The following IFTAP variants were observed in gnomAD, a reference collection of about 807,000 sequenced individuals.
IFTAP encodes the protein intraflagellar transport-associated protein.
Under a neutral mutation model 19.4 loss-of-function variants are expected in IFTAP, and 19 were observed. That is an observed-to-expected ratio of 0.98 (90% confidence interval 0.68 to 1.44). The LOEUF is 1.44. Among genes scored for constraint, IFTAP ranks in the 40% most tolerant of loss-of-function variants. The pLI is 0.00. For synonymous variants in IFTAP, 85 were observed against 83.5 expected, an observed-to-expected ratio of 1.02 and a Z score of -0.10; for missense variants, 240 against 253.6, an observed-to-expected ratio of 0.95 and a Z score of 0.36.
chr11:36,639,013 C>T (rs1050396061), intron 4 of IFTAP, among the ~76,000 whole-genome samples: 116 of 152,210 alleles, frequency 7.6e-4, no homozygotes, highest in Non-Finnish European at 2.4e-4. Context: ...GTTTATTTGA[C>T]ATCAAGTTAA....
chr11:36,631,792 A>T (rs774407718), intron 2 of IFTAP, among the ~76,000 whole-genome samples: 8 of 149,252 alleles, frequency 5.4e-5, no homozygotes, highest in Non-Finnish European at 8.9e-5. Flanking sequence ...TTCCTTTATC[A>T]CTCTTTTACT....
intron 2 of IFTAP, among the ~76,000 whole-genome samples, chr11:36,617,687 T>C (rs765891040): frequency 5.9e-5 from 9 of 152,032 alleles, no homozygotes; most frequent in Non-Finnish European, 8.8e-5. Context: ...CTCTTTATTT[T>C]AGATTCATTT....
At chr11:36,652,761 A>G (rs1366881626) in intron 5 of IFTAP, among the ~76,000 whole-genome samples, 6 of 152,144 alleles carry the variant, frequency 3.9e-5, no homozygotes, top group Admixed American at 1.3e-4. Flanking sequence ...TTTTAGCATG[A>G]AGGGCTGTTG....
At chr11:36,651,634 A>G (rs1168972360) in intron 5 of IFTAP, among the ~76,000 whole-genome samples, 1 of 152,146 alleles carries the variant, frequency 6.6e-6, no homozygotes, top group African/African-American at 2.4e-5. Context: ...GCCCATGCCT[A>G]TGTCCTGAAT....
At chr11:36,625,548 C>CT (rs1418838335) in intron 2 of IFTAP, among the ~76,000 whole-genome samples, 1 of 152,142 alleles carries the variant, frequency 6.6e-6, no homozygotes, top group Non-Finnish European at 1.5e-5. Flanking sequence ...TAGCCATTCT[C>CT]TTTTTGTGGG....
At chr11:36,604,693 CT>C (rs749628348) in intron 1 of IFTAP, among the ~76,000 whole-genome samples, 7 of 152,028 alleles carry the variant, frequency 4.6e-5, no homozygotes, top group Non-Finnish European at 7.4e-5. Flanking sequence ...TTCAGATACA[CT>C]TTAAAGTTCA....
chr11:36,653,864 A>G (rs115364325), intron 5 of IFTAP, among the ~76,000 whole-genome samples: 1,540 of 152,286 alleles, frequency 0.01, 27 homozygotes, highest in African/African-American at 0.034. Flanking sequence ...AAATGAACAC[A>G]TAAATAAACA....
chr11:36,625,997 G>A lies in IFTAP; in HGVS notation c.137-7287G>A, dbSNP rs1478117664. ...GGAGTTGCATGAGCAACGGTGAAAGGAGTGTGGAAGCTGAGGTTAGAGGGC... is the reference window on the plus strand; with the variant it reads ...GGAGTTGCATGAGCAACGGTGAAAGAAGTGTGGAAGCTGAGGTTAGAGGGC... On this transcript the variant is annotated intron_variant, in intron 2 of 5. Transcript: ENST00000334307. 3.3e-5 allele frequency among the ~76,000 whole-genome samples: 5 copies of A among 151,554 alleles called. No homozygotes were observed. In the East Asian group the frequency reaches 9.6e-4, roughly 29 times the overall value.
In IFTAP at chr11:36,648,140, C is replaced by T. The variant is rs890617666; in HGVS notation, c.483C>T (p.Asp161=). 3 of 1,612,816 alleles carry T rather than the reference C, an allele frequency of 1.9e-6. No homozygotes were observed. Among genetic ancestry groups the T allele is most frequent in the African/African-American group, 1.3e-5 (1 of 74,852 alleles). ...VKPKPSVKRM[D]KQTEEILGDE... ...CAAAGCCCAGTGTTAAAAGAATGGA[C>T]AAACAGACGGAAGAGGTACTCCACA... Residue 161 remains aspartate, a synonymous_variant, in exon 5 of 6, where the codon GAC becomes GAT. Transcript: ENST00000334307.
intron 2 of IFTAP, among the ~76,000 whole-genome samples, chr11:36,618,922 TGGAA>T (rs952208078): frequency 3.3e-5 from 5 of 151,356 alleles, no homozygotes; most frequent in African/African-American, 9.7e-5. Flanking sequence ...GGGGAGAAAA[TGGAA>T]AGCAAAAGGG....
At chr11:36,631,945 C>G (rs1337027909) in intron 2 of IFTAP, among the ~76,000 whole-genome samples, 4 of 151,148 alleles carry the variant, frequency 2.6e-5, no homozygotes, top group Non-Finnish European at 5.9e-5. Flanking sequence ...GCTCCCTGCC[C>G]CCACCTTTCT....
intron 2 of IFTAP, among the ~76,000 whole-genome samples, chr11:36,612,596 GT>G (rs1851915746): frequency 6.6e-6 from 1 of 151,992 alleles, no homozygotes; most frequent in African/African-American, 2.4e-5. Context: ...GTCTCAATGT[GT>G]TTAGTTGTTT....
At chr11:36,622,287 T>G (rs946997794) in intron 2 of IFTAP, among the ~76,000 whole-genome samples, 8 of 152,062 alleles carry the variant, frequency 5.3e-5, no homozygotes, top group Admixed American at 5.3e-4. Context: ...AGTATTTACT[T>G]TTTAAAAAAG....
At chr11:36,653,521 C>G (rs1853834216) in intron 5 of IFTAP, among the ~76,000 whole-genome samples, 1 of 152,082 alleles carries the variant, frequency 6.6e-6, no homozygotes, top group Non-Finnish European at 1.5e-5. Context: ...ATCTAAAAAC[C>G]TTGGCATCTT....
At chr11:36,623,826 G>T (rs16929204) in intron 2 of IFTAP, among the ~76,000 whole-genome samples, 1 of 151,968 alleles carries the variant, frequency 6.6e-6, no homozygotes, top group East Asian at 1.9e-4. Flanking sequence ...TGTATATTTC[G>T]TACACGAAGG....
At chr11:36,647,927 T>C in intron 4 of IFTAP, 89 bp from the exon 5 acceptor site, 1 of 1,475,294 alleles carries the variant, frequency 6.8e-7, no homozygotes, top group Non-Finnish European at 9.2e-7. Flanking sequence ...CATATTTGCT[T>C]CATTTTCTTC....
intron 2 of IFTAP, among the ~76,000 whole-genome samples, chr11:36,627,676 A>G (rs1168138701): frequency 6.6e-6 from 1 of 151,254 alleles, no homozygotes; most frequent in African/African-American, 2.5e-5. Flanking sequence ...AATATGCTGC[A>G]TCTGTTCCCA....
rs1851824400 is a variant in IFTAP at position 36,610,112 on chromosome 11, C to A, written c.9C>A (p.Ala3=). Residue 3 remains alanine, a synonymous_variant, in exon 2 of 6, where the codon GCC becomes GCA. Transcript: ENST00000334307. The part of the protein sequence containing the change: MS[A]HMSGLEIMDE... ...TGGCCTCATGAATAGGAATGTCTGC[C>A]CATATGTCAGGATTGGAAATAATGG... 1.9e-6 allele frequency: 3 copies of A among 1,612,704 alleles called. No individual in the cohort carries two copies. Among genetic ancestry groups the A allele is most frequent in the Non-Finnish European group, 2.5e-6 (3 of 1,179,272 alleles).
chr11:36,613,003 T>C (rs984579899), intron 2 of IFTAP, among the ~76,000 whole-genome samples: 6 of 152,126 alleles, frequency 3.9e-5, no homozygotes, highest in African/African-American at 4.8e-5. Context: ...CCGTGGTACA[T>C]GTTTGATAGT....
Sources: allele counts gnomAD v4.1 joint callset (sites outside exome capture counted in the v4.1 genomes callset), GRCh38; gene constraint gnomAD v4.1.1; transcripts MANE v1.5; gene names NCBI Gene and HGNC (gene_info 2026-07-23, HGNC 2026-07-21).